The following BBS9 variants were observed in gnomAD, a reference collection of about 807,000 sequenced individuals.
BBS9 encodes protein PTHB1.
A neutral mutation model predicts 117.7 loss-of-function variants in BBS9; 89 were observed. That is an observed-to-expected ratio of 0.76 (90% confidence interval 0.64 to 0.90). The LOEUF is 0.90. Among genes scored for constraint, BBS9 ranks in the 40% least tolerant of loss-of-function variants. The probability of loss-of-function intolerance (pLI) is 0.00; values close to 1 mark genes in which losing one functional copy is unlikely to be tolerated. For synonymous variants in BBS9, 379 were observed against 370.9 expected (o/e 1.02, Z -0.25); for missense variants, 982 against 1,042.2 (o/e 0.94, Z 0.80).
At chr7:33,483,846 C>T (rs941211752) in intron 19 of BBS9, among the ~76,000 whole-genome samples, 1 of 152,040 alleles carries the variant, frequency 6.6e-6, no homozygotes, top group African/African-American at 2.4e-5. Context: ...CTTTGTTACC[C>T]AGGCTGGTCT....
intron 9 of BBS9, among the ~76,000 whole-genome samples, chr7:33,290,544 A>T (rs1803823918): frequency 6.6e-6 from 1 of 152,202 alleles, no homozygotes; most frequent in Non-Finnish European, 1.5e-5. Context: ...TACTGCAGCC[A>T]CTAAAGCATC....
intron 5 of BBS9, among the ~76,000 whole-genome samples, chr7:33,180,374 T>G (rs1797927138): frequency 6.6e-6 from 1 of 151,676 alleles, no homozygotes; most frequent in Admixed American, 6.6e-5. Context: ...TTTTTTTTTT[T>G]TTTTTGAGAT....
At chr7:33,494,331 C>A (rs1844428916) in intron 19 of BBS9, among the ~76,000 whole-genome samples, 1 of 152,074 alleles carries the variant, frequency 6.6e-6, no homozygotes, top group African/African-American at 2.4e-5. Flanking sequence ...GATGAGAAAC[C>A]CTGCTCTAGA....
intron 5 of BBS9, among the ~76,000 whole-genome samples, chr7:33,242,721 G>T (rs1279346218): frequency 6.6e-6 from 1 of 151,932 alleles, no homozygotes; most frequent in Non-Finnish European, 1.5e-5. Context: ...ATCAAGTTTT[G>T]TCTGCTAAAG....
At chr7:33,327,587 T>C (rs1404916300) in intron 9 of BBS9, among the ~76,000 whole-genome samples, 1 of 152,304 alleles carries the variant, frequency 6.6e-6, no homozygotes, top group East Asian at 1.9e-4. Context: ...TAGTCCCAGC[T>C]ACTTCGGAAG....
intron 21 of BBS9, among the ~76,000 whole-genome samples, chr7:33,568,227 A>G (rs1857218249): frequency 6.6e-6 from 1 of 152,104 alleles, no homozygotes; most frequent in Non-Finnish European, 1.5e-5. Context: ...CTCTTTAAAA[A>G]TGTGTACGTG....
chr7:33,381,326 C>T (rs1383231705), intron 17 of BBS9, among the ~76,000 whole-genome samples: 2 of 152,192 alleles, frequency 1.3e-5, no homozygotes, highest in Non-Finnish European at 2.9e-5. Flanking sequence ...AAGCAGTATT[C>T]AGTCTTCTGC....
At chr7:33,251,180 G>A (rs1029354749) in intron 5 of BBS9, among the ~76,000 whole-genome samples, 37 of 152,138 alleles carry the variant, frequency 2.4e-4, no homozygotes, top group Non-Finnish European at 5.1e-4. Context: ...TGATGCACTG[G>A]CTCAAACAGT....
At chr7:33,563,762 C>T (rs555184141) in intron 21 of BBS9, among the ~76,000 whole-genome samples, 2 of 152,132 alleles carry the variant, frequency 1.3e-5, no homozygotes, top group South Asian at 2.1e-4. Context: ...AAGTGATGGT[C>T]GAGGGAAGGA....
At chr7:33,477,319 T>C (rs983566142) in intron 19 of BBS9, among the ~76,000 whole-genome samples, 2 of 152,190 alleles carry the variant, frequency 1.3e-5, no homozygotes, top group Non-Finnish European at 2.9e-5. Context: ...TGAAGAACTA[T>C]AGCCCCTAAA....
chr7:33,499,019 C>T (rs1845102038), intron 19 of BBS9, among the ~76,000 whole-genome samples: 1 of 152,134 alleles, frequency 6.6e-6, no homozygotes, highest in Non-Finnish European at 1.5e-5. Context: ...TCCTTGCCAG[C>T]ACTTGTTATT....
intron 20 of BBS9, among the ~76,000 whole-genome samples, chr7:33,517,932 T>C (rs57610907): frequency 0.013 from 1,924 of 152,360 alleles, 36 homozygotes; most frequent in African/African-American, 0.043. Context: ...TATATGTGCA[T>C]GTGCTTAAGC....
intron 20 of BBS9, among the ~76,000 whole-genome samples, chr7:33,532,612 A>G (rs1455279286): frequency 1.3e-5 from 2 of 152,158 alleles, no homozygotes; most frequent in Non-Finnish European, 2.9e-5. Context: ...AGCCACCTCC[A>G]TGATTCAGTT....
chr7:33,189,746 C>T (rs1211094802), intron 5 of BBS9, among the ~76,000 whole-genome samples: 1 of 151,578 alleles, frequency 6.6e-6, no homozygotes, highest in Non-Finnish European at 1.5e-5. Context: ...ATTAGCTGGG[C>T]GTGGTGGCAT....
intron 21 of BBS9, among the ~76,000 whole-genome samples, chr7:33,544,763 A>T (rs577477824): frequency 1.3e-5 from 2 of 152,246 alleles, no homozygotes; most frequent in East Asian, 3.9e-4. Flanking sequence ...TCCCAAGATT[A>T]TATGCCCTTT....
intron 5 of BBS9, among the ~76,000 whole-genome samples, chr7:33,204,882 CTCATT>C (rs1483847297): frequency 6.6e-6 from 1 of 152,210 alleles, no homozygotes; most frequent in African/African-American, 2.4e-5. Flanking sequence ...CTCTCCACTA[CTCATT>C]TCATGTTCCT....
chr7:33,152,921 ATTC>A lies in BBS9; in HGVS notation c.263+74_263+76del, dbSNP rs1793573200. 1.6e-5 allele frequency: 24 copies of A among 1,515,382 alleles called. No homozygotes were observed. In the East Asian group the frequency reaches 5.4e-4, roughly 34 times the overall value. The allele number at this position is 1,515,382 out of a possible 1,614,324, so 93.9% of individuals were successfully genotyped here. A position where few individuals can be genotyped will look rare whatever the true frequency, so the allele number is the denominator to read the frequency against. On this transcript the variant is annotated intron_variant, in intron 3 of 22. Coordinates refer to ENST00000242067, the MANE Select transcript of BBS9 (RefSeq NM_198428.3). ...ATCCTTTACAGTGTCACTTTTGTGTATTCTTCAAAGAAGACTATCCATGAATTA... is the reference window on the plus strand; with the variant it reads ...ATCCTTTACAGTGTCACTTTTGTGTATTCAAAGAAGACTATCCATGAATTA...
chr7:33,390,464 C>T (rs1390593423), intron 19 of BBS9: 1 of 978,936 alleles, frequency 1.0e-6, no homozygotes, highest in Non-Finnish European at 1.2e-6. Context: ...AGTCCCATTC[C>T]TTTTAGATTA....
At chr7:33,613,398 G>T (rs1441502704) in intron 21 of BBS9, among the ~76,000 whole-genome samples, 1 of 151,912 alleles carries the variant, frequency 6.6e-6, no homozygotes, top group Non-Finnish European at 1.5e-5. Context: ...TCTTTTACTT[G>T]TCACTTCAAA....
Sources: allele counts gnomAD v4.1 joint callset (sites outside exome capture counted in the v4.1 genomes callset), GRCh38; gene constraint gnomAD v4.1.1; transcripts MANE v1.5; gene names NCBI Gene and HGNC (gene_info 2026-07-23, HGNC 2026-07-21).